METTL15: variants seen among roughly 807,000 people sequenced by gnomAD.
METTL15 encodes methyltransferase 15, mitochondrial 12S rRNA N4-cytidine.
A neutral mutation model predicts 38.3 loss-of-function variants in METTL15; 34 were observed. That is an observed-to-expected ratio of 0.89 (90% CI 0.68 to 1.18). The LOEUF is 1.18. Among genes scored for constraint, METTL15 ranks in the 50% most tolerant of loss-of-function variants. The probability of loss-of-function intolerance (pLI) is 0.00; values close to 1 mark genes in which losing one functional copy is unlikely to be tolerated. For synonymous variants in METTL15, 162 were observed against 170.9 expected, an observed-to-expected ratio of 0.95 and a Z score of 0.41; for missense variants, 438 against 498.4, an observed-to-expected ratio of 0.88 and a Z score of 1.15.
At chr11:28,335,380 TA>T (rs1220034620), downstream of METTL15, among the ~76,000 whole-genome samples, 1 of 152,222 alleles carries the variant, frequency 6.6e-6, no homozygotes, top group African/African-American at 2.4e-5. Flanking sequence ...ACATCCTATT[TA>T]ATCTCTTGAA....
At chr11:28,279,593 A>G (rs1855972277) in intron 4 of METTL15, among the ~76,000 whole-genome samples, 2 of 152,192 alleles carry the variant, frequency 1.3e-5, no homozygotes, top group Admixed American at 1.3e-4. Context: ...CACAACCTAC[A>G]TGATTGTCTT....
chr11:28,211,923 T>C (rs1228339526), intron 4 of METTL15, among the ~76,000 whole-genome samples: 1 of 151,798 alleles, frequency 6.6e-6, no homozygotes, highest in Non-Finnish European at 1.5e-5. Flanking sequence ...GTCAAGAAAA[T>C]AGATGGGAAC....
Position 28,330,559 on chromosome 11 carries a change from T to A in METTL15, c.942T>A (p.Gly314=). Residue 314 remains glycine (G), a synonymous_variant, in exon 7 of 7, where the codon GGT becomes GGA. Transcript: ENST00000407364. ...CTCAGAAGTTTCTGAGACCTGGTGGTCGTCTTGTTGCCCTCTCCTTCCATT... is the reference window on the plus strand; with the variant it reads ...CTCAGAAGTTTCTGAGACCTGGTGGACGTCTTGTTGCCCTCTCCTTCCATT... ...KTAQKFLRPG[G]RLVALSFHSL... 2 of 1,551,700 alleles carry A rather than the reference T, an allele frequency of 1.3e-6. No individual in the cohort carries two copies. The highest frequency in any genetic ancestry group is 1.7e-6 in the Non-Finnish European group (2 of 1,146,964).
At chr11:28,411,779 C>A (rs952529792) in intron 5 of METTL15, among the ~76,000 whole-genome samples, 8 of 151,798 alleles carry the variant, frequency 5.3e-5, no homozygotes, top group African/African-American at 1.9e-4. Flanking sequence ...ACAGCAGAGA[C>A]CACAATCAAC....
chr11:28,461,661 G>A (rs1267907441), intron 6 of METTL15, among the ~76,000 whole-genome samples: 1 of 151,794 alleles, frequency 6.6e-6, no homozygotes, highest in East Asian at 1.9e-4. Context: ...AGAGATGTGG[G>A]GCAACTATTT....
chr11:28,210,869 C>A (rs1852604582), intron 3 of METTL15, among the ~76,000 whole-genome samples, 193 bp from the exon 4 acceptor site: 1 of 151,932 alleles, frequency 6.6e-6, no homozygotes, highest in African/African-American at 2.4e-5. Context: ...CTGATCAGTT[C>A]TTTTAGACTT....
intron 5 of METTL15, among the ~76,000 whole-genome samples, chr11:28,378,387 C>T (rs1475789807): frequency 1.3e-5 from 2 of 152,210 alleles, no homozygotes; most frequent in African/African-American, 4.8e-5. Flanking sequence ...GTCGGAAAAG[C>T]GCAGTATTCG....
rs927175098 is a variant in METTL15 at position 28,113,566 on chromosome 11, G to A, written c.232G>A (p.Asp78Asn). 6.2e-7 allele frequency: 1 copy of A among 1,612,612 alleles called. No individual in the cohort carries two copies. The highest frequency in any genetic ancestry group is 8.5e-7 in the Non-Finnish European group (1 of 1,179,514). Residue 78 changes from aspartate (D) to asparagine (N), a missense_variant, in exon 3 of 7, where the codon GAT becomes AAT. Coordinates refer to ENST00000407364, the MANE Select transcript of METTL15 (RefSeq NM_001113528.2). ...TAAATTACATATTCCAGTAATGGTG[G>A]ATGAAGTTGTTCATTGTTTGTCACC... ...MAKLHIPVMV[D>N]EVVHCLSPQK...
intron 3 of METTL15, among the ~76,000 whole-genome samples, chr11:28,186,510 G>T (rs965049673): frequency 4.7e-5 from 7 of 150,386 alleles, no homozygotes; most frequent in African/African-American, 1.7e-4. Context: ...TAACCCCTTG[G>T]GATAAAAATA....
At chr11:28,223,703 A>C (rs569958994) in intron 4 of METTL15, among the ~76,000 whole-genome samples, 1 of 152,278 alleles carries the variant, frequency 6.6e-6, no homozygotes, top group African/African-American at 2.4e-5. Flanking sequence ...TGAGCAATTC[A>C]TGGGAAGGCT....
chr11:28,290,933 A>G (rs1004505174), intron 5 of METTL15, among the ~76,000 whole-genome samples: 7 of 152,070 alleles, frequency 4.6e-5, no homozygotes, highest in African/African-American at 1.4e-4. Flanking sequence ...GTACTATAAT[A>G]AGATATCTTT....
chr11:28,178,600 A>C (rs1219712661), intron 3 of METTL15, among the ~76,000 whole-genome samples: 1 of 151,748 alleles, frequency 6.6e-6, no homozygotes, highest in Non-Finnish European at 1.5e-5. Flanking sequence ...TTTTTTGGTC[A>C]AGAACACTAT....
intron 6 of METTL15, among the ~76,000 whole-genome samples, chr11:28,518,781 C>A (rs140633341): frequency 3.6e-4 from 55 of 152,264 alleles, no homozygotes; most frequent in African/African-American, 1.3e-3. Flanking sequence ...CAGAAGCCCC[C>A]CAGAAGGGCT....
In METTL15 at chr11:28,186,449, T is replaced by C. The variant is rs796942127; in HGVS notation, c.271-24613T>C. On this transcript the variant is annotated intron_variant, in intron 3 of 6. Transcript: ENST00000407364. ...ATTATTTATGATTTGTTTGGAGAGT[T>C]AATTTTATGACTTAGAATTTTATAG... Among the ~76,000 whole-genome samples, 7 of 151,406 alleles carry C rather than the reference T, an allele frequency of 4.6e-5. 1 individual carries two copies. The highest frequency in any genetic ancestry group is 1.7e-4 in the African/African-American group (7 of 41,468).
chr11:28,381,547 T>C (rs1401601117), intron 5 of METTL15, among the ~76,000 whole-genome samples: 2 of 152,122 alleles, frequency 1.3e-5, no homozygotes, highest in East Asian at 3.9e-4. Context: ...TTCTTCTTTT[T>C]CATTCTTTTT....
intron 6 of METTL15, among the ~76,000 whole-genome samples, chr11:28,313,101 CAGATTCCA>C (rs1857364765): frequency 6.6e-6 from 1 of 151,926 alleles, no homozygotes; most frequent in South Asian, 2.1e-4. Flanking sequence ...AACCTAGGTT[CAGATTCCA>C]TCTCTACCAT....
intron 3 of METTL15, among the ~76,000 whole-genome samples, chr11:28,124,741 G>A (rs902027479): frequency 6.6e-6 from 1 of 152,076 alleles, no homozygotes; most frequent in African/African-American, 2.4e-5. Context: ...GGTACCATTA[G>A]TCTCTTGTCT....
chr11:28,454,076 C>T (rs1353373941), intron 6 of METTL15, among the ~76,000 whole-genome samples: 1 of 152,172 alleles, frequency 6.6e-6, no homozygotes, highest in Admixed American at 6.5e-5. Context: ...AGTAAATCCT[C>T]TGATTGATGG....
intron 4 of METTL15, among the ~76,000 whole-genome samples, chr11:28,254,265 A>G (rs1854876579): frequency 2.0e-5 from 3 of 152,030 alleles, no homozygotes; most frequent in Admixed American, 1.3e-4. Context: ...CCTGTTTGCT[A>G]TTTGTATGTC....
Sources: allele counts gnomAD v4.1 joint callset (sites outside exome capture counted in the v4.1 genomes callset), GRCh38; gene constraint gnomAD v4.1.1; transcripts MANE v1.5; gene names NCBI Gene and HGNC (gene_info 2026-07-23, HGNC 2026-07-21).